Variants in GYPC observed in about 807,000 individuals in gnomAD.
The protein encoded by GYPC is glycophorin C (Gerbich blood group), also known as glycophorin-C.
A neutral mutation model predicts 12.6 loss-of-function variants in GYPC; 14 were observed. The ratio of observed to expected loss-of-function variants is 1.11; its 90% CI spans 0.74 to 1.74. The LOEUF is 1.74. Ranked by LOEUF, GYPC falls within the 40% of genes most tolerant of loss-of-function variation. The pLI is 0.00. For missense variants in GYPC, 225 were observed against 172.1 expected (o/e 1.31, Z -1.72); for synonymous variants, 78 against 62.1 (o/e 1.26, Z -1.20).
chr2:126,686,170 T>C, intron 1 of GYPC: 15 of 985,382 alleles, frequency 1.5e-5, no homozygotes, highest in Non-Finnish European at 1.7e-5. Context: ...AGGCTCTTGG[T>C]GGCAACAGAG....
chr2:126,686,375 GGCTGCCTTCT>G (rs1558889540), intron 1 of GYPC: 2 of 985,696 alleles, frequency 2.0e-6, no homozygotes, highest in African/African-American at 3.5e-5. Context: ...CTCCAGGGGT[GGCTGCCTTCT>G]GCCAGAGAAT....
In GYPC at chr2:126,685,690, T is replaced by C. The variant is rs1419625660; in HGVS notation, c.50-4565T>C. On this transcript the variant is annotated intron_variant, in intron 1 of 3. Transcript: ENST00000259254. Reference sequence around the variant, plus strand: ...GAGCCACTGCACCCGGCCTGGTAAATTGACTTTTCTAACCAGGCTTGTAGG... The same window carrying C: ...GAGCCACTGCACCCGGCCTGGTAAACTGACTTTTCTAACCAGGCTTGTAGG... The C allele has an allele frequency of 8.0e-6, 6 of 749,718 alleles. No individual in the cohort carries two copies. In the South Asian group the frequency reaches 1.8e-4, roughly 22 times the overall value. 46.4% of individuals were successfully genotyped at this position (749,718 alleles called of 1,614,324 possible).
intron 1 of GYPC, among the ~76,000 whole-genome samples, chr2:126,687,117 G>A (rs1683314347): frequency 1.3e-5 from 2 of 152,160 alleles, no homozygotes; most frequent in Non-Finnish European, 2.9e-5. Context: ...AGAGGCTTCC[G>A]GAGCCTTGGA....
At chr2:126,671,563 G>A (rs543057268) in intron 1 of GYPC, among the ~76,000 whole-genome samples, 3 of 152,294 alleles carry the variant, frequency 2.0e-5, no homozygotes, top group East Asian at 1.9e-4. Flanking sequence ...ATGTGTGTCC[G>A]TATTCTTCCA....
At chr2:126,688,965 G>T (rs188317144) in intron 1 of GYPC, among the ~76,000 whole-genome samples, 3 of 152,284 alleles carry the variant, frequency 2.0e-5, no homozygotes, top group Admixed American at 6.5e-5. Context: ...TGATATTTCT[G>T]TGATCCAATA....
intron 1 of GYPC, among the ~76,000 whole-genome samples, chr2:126,674,061 G>A (rs1014374987): frequency 3.3e-5 from 5 of 152,316 alleles, no homozygotes; most frequent in Non-Finnish European, 1.5e-5. Flanking sequence ...CGGACTCACA[G>A]GCAGGCTGTA....
chr2:126,671,371 C>T (rs989208817), intron 1 of GYPC, among the ~76,000 whole-genome samples: 1 of 152,246 alleles, frequency 6.6e-6, no homozygotes, highest in Admixed American at 6.5e-5. Context: ...AGCCCGACAG[C>T]CAGGGACAAC....
At chr2:126,676,404 AT>A (rs1404995031) in intron 1 of GYPC, among the ~76,000 whole-genome samples, 3 of 152,260 alleles carry the variant, frequency 2.0e-5, no homozygotes, top group Non-Finnish European at 4.4e-5. Context: ...ATCATTAGAC[AT>A]TAACTGGTTG....
Position 126,694,040 on chromosome 2 carries a change from G to T in GYPC, c.190+93G>T, listed in dbSNP as rs765937847. 2.7e-5 allele frequency: 24 copies of T among 877,670 alleles called. No homozygotes were observed. In the Admixed American group the frequency reaches 3.2e-4, roughly 12 times the overall value. The allele number at this position is 877,670 out of a possible 1,614,324, so 54.4% of individuals were successfully genotyped here. ...GAACTGACCTAAGGACTTGGGCAGT[G>T]GTGGCTGTGGCCATTTTTTCTCTCC... On this transcript the variant is annotated intron_variant, in intron 3 of 3. Coordinates refer to ENST00000259254, the MANE Select transcript of GYPC (RefSeq NM_002101.5).
intron 1 of GYPC, among the ~76,000 whole-genome samples, chr2:126,687,350 C>A (rs1170616608): frequency 1.3e-5 from 2 of 152,308 alleles, no homozygotes; most frequent in East Asian, 1.9e-4. Flanking sequence ...TACTGGGTCC[C>A]AGTCCTAGTG....
chr2:126,680,667 C>A (rs28369989), intron 1 of GYPC, among the ~76,000 whole-genome samples: 1 of 152,186 alleles, frequency 6.6e-6, no homozygotes, highest in South Asian at 2.1e-4. Context: ...GAAGCCACAG[C>A]GCACATTTCT....
At chr2:126,659,304 C>T (rs956787818) in intron 1 of GYPC, among the ~76,000 whole-genome samples, 1 of 152,200 alleles carries the variant, frequency 6.6e-6, no homozygotes, top group Non-Finnish European at 1.5e-5. Flanking sequence ...ACCCCACCCC[C>T]GTGAGGAAAC....
At chr2:126,678,541 C>A (rs1320188395) in intron 1 of GYPC, 2 of 152,258 alleles carry the variant, frequency 1.3e-5, no homozygotes, top group African/African-American at 2.4e-5. Context: ...TTTCCTGAAC[C>A]CTTGAGTTCT....
chr2:126,688,786 G>A (rs1683364383), intron 1 of GYPC, among the ~76,000 whole-genome samples: 1 of 152,128 alleles, frequency 6.6e-6, no homozygotes, highest in African/African-American at 2.4e-5. Flanking sequence ...ACTCCAGCAG[G>A]CAGTTACTTA....
rs1487131546 is a variant in GYPC at position 126,661,958 on chromosome 2, C to A, written c.49+5646C>A. On this transcript the variant is annotated intron_variant, in intron 1 of 3. Transcript: ENST00000259254. ...GATGGCTCTGTTTATCTGCACTTTGCACATGATGGTCTTGACTGACACATC... is the reference window on the plus strand; with the variant it reads ...GATGGCTCTGTTTATCTGCACTTTGAACATGATGGTCTTGACTGACACATC... Among the ~76,000 whole-genome samples the A allele has an allele frequency of 6.6e-5, 10 of 152,222 alleles. No individual in the cohort carries two copies. The East Asian group carries it at 1.9e-3, about 29-fold the overall frequency.
At chr2:126,676,750 G>A (rs993622434) in intron 1 of GYPC, among the ~76,000 whole-genome samples, 1 of 152,196 alleles carries the variant, frequency 6.6e-6, no homozygotes, top group African/African-American at 2.4e-5. Flanking sequence ...CTGGGAAGAT[G>A]TGGCAGAGGG....
chr2:126,662,810 C>T (rs1286278140), intron 1 of GYPC, among the ~76,000 whole-genome samples: 1 of 152,106 alleles, frequency 6.6e-6, no homozygotes, highest in Non-Finnish European at 1.5e-5. Context: ...GGTATGTGCT[C>T]ATAATTGTGC....
chr2:126,693,626 T>G (rs1236141151), intron 2 of GYPC, among the ~76,000 whole-genome samples: 3 of 152,142 alleles, frequency 2.0e-5, no homozygotes, highest in Non-Finnish European at 2.9e-5. Flanking sequence ...CAAATGGGCC[T>G]GGAGTGACCT....
intron 1 of GYPC, among the ~76,000 whole-genome samples, chr2:126,687,805 G>A (rs1683334105): frequency 6.6e-6 from 1 of 152,206 alleles, no homozygotes; most frequent in Non-Finnish European, 1.5e-5. Context: ...CCTGCTGGAA[G>A]TGTGTGTAGT....
Sources: gnomAD v4.1 joint callset for allele counts (sites outside exome capture counted in the v4.1 genomes callset) on GRCh38, gnomAD v4.1.1 for gene constraint, MANE v1.5 for transcripts, NCBI Gene and HGNC (gene_info 2026-07-23, HGNC 2026-07-21) for gene names.